The following CEP85 variants were observed in gnomAD, a reference collection of about 807,000 sequenced individuals.
The protein encoded by CEP85 is centrosomal protein of 85 kDa.
A neutral mutation model predicts 93.7 loss-of-function variants in CEP85; 58 were observed. That is an observed-to-expected ratio of 0.62 (90% CI 0.50 to 0.77). The LOEUF (loss-of-function observed/expected upper bound fraction) is 0.77, where lower values mean the gene tolerates loss of function less well. Ranked by LOEUF, CEP85 falls within the 30% of genes least tolerant of loss-of-function variation. The pLI is 0.00. For missense variants in CEP85, 868 were observed against 922.0 expected (o/e 0.94, Z 0.76); for synonymous variants, 314 against 338.6 (o/e 0.93, Z 0.80).
intron 1 of CEP85, among the ~76,000 whole-genome samples, chr1:26,238,073 GACCTCTAT>G (rs1016785527): frequency 1.3e-5 from 2 of 150,970 alleles, no homozygotes; most frequent in African/African-American, 4.9e-5. Context: ...GTACTTTAGT[GACCTCTAT>G]AGTATTCTCT....
intron 1 of CEP85, among the ~76,000 whole-genome samples, chr1:26,237,905 A>G (rs1001747260): frequency 6.6e-6 from 1 of 152,156 alleles, no homozygotes; most frequent in African/African-American, 2.4e-5. Context: ...TAATCATTCT[A>G]TGTCATCATT....
At chr1:26,264,425 C>T (rs1221756491) in intron 7 of CEP85, among the ~76,000 whole-genome samples, 11 of 152,000 alleles carry the variant, frequency 7.2e-5, no homozygotes, top group African/African-American at 2.2e-4. Flanking sequence ...CCCAGCTACT[C>T]GGGAGGCTGA....
Position 26,235,132 on chromosome 1 carries a change from T to C in CEP85, c.-23+822T>C, listed in dbSNP as rs2124549048. On this transcript the variant is annotated intron_variant, in intron 1 of 13. Coordinates refer to ENST00000451429, the MANE Select transcript of CEP85 (RefSeq NM_001319944.2). ...TTCAACAGTATATTCAACGCTTACT[T>C]CACCTCAGTTAATGAGAGCGATCCT... 2.0e-5 allele frequency among the ~76,000 whole-genome samples: 3 copies of C among 152,312 alleles called. No homozygotes were observed. In the South Asian group the frequency reaches 6.2e-4, roughly 32 times the overall value.
At chr1:26,247,193 G>C (rs972700617) in intron 3 of CEP85, among the ~76,000 whole-genome samples, 2 of 152,166 alleles carry the variant, frequency 1.3e-5, no homozygotes, top group African/African-American at 2.4e-5. Context: ...TGGTTTTCTA[G>C]GGCTTCGGAA....
At chr1:26,259,334 A>G (rs1457577872) in intron 6 of CEP85, among the ~76,000 whole-genome samples, 1 of 152,214 alleles carries the variant, frequency 6.6e-6, no homozygotes, top group African/African-American at 2.4e-5. Flanking sequence ...GTGAGTGTGC[A>G]TCAGAATCCC....
At chr1:26,261,600 A>G (rs1417112803) in intron 7 of CEP85, among the ~76,000 whole-genome samples, 1 of 152,018 alleles carries the variant, frequency 6.6e-6, no homozygotes, top group African/African-American at 2.4e-5. Flanking sequence ...AAAATAAAAA[A>G]TTTAGTAGTT....
At chr1:26,237,180 T>G (rs1010448615) in intron 1 of CEP85, among the ~76,000 whole-genome samples, 1 of 152,112 alleles carries the variant, frequency 6.6e-6, no homozygotes, top group Non-Finnish European at 1.5e-5. Flanking sequence ...TTCAGGTGGT[T>G]GGGGATGTCT....
At chr1:26,263,282 CA>C in intron 7 of CEP85, 1 of 347,508 alleles carries the variant, frequency 2.9e-6, no homozygotes. Flanking sequence ...CCAGGTTTTG[CA>C]AGTCCCTCAC....
chr1:26,276,580 C>T lies in CEP85; in HGVS notation c.1948C>T (p.Gln650Ter), dbSNP rs999614552. 28 of 1,614,096 alleles carry T rather than the reference C, an allele frequency of 1.7e-5. No individual in the cohort carries two copies. The highest frequency in any genetic ancestry group is 2.2e-5 in the Non-Finnish European group (26 of 1,180,038). Residue 650 changes from glutamine (Q) to a stop codon, truncating the protein, a stop_gained, in exon 13 of 14, where the codon CAG becomes TAG. Transcript: ENST00000451429. LOFTEE classifies it high-confidence loss of function. ...QDLIEKNLTLQEHLRQAQPGS... is the reference protein window; with the variant it reads ...QDLIEKNLTL ...CTTGATTGAGAAGAATCTGACACTC[C>T]AGGAACACCTGCGCCAGGCCCAACC... is the stretch of plus-strand genomic sequence containing the variant.
At chr1:26,270,234 G>A (rs533901773) in intron 9 of CEP85, among the ~76,000 whole-genome samples, 2 of 152,310 alleles carry the variant, frequency 1.3e-5, no homozygotes, top group South Asian at 4.1e-4. Context: ...TGAGGTGTCT[G>A]TATACTTTCA....
intron 8 of CEP85, 35 bp from the exon 9 acceptor site, chr1:26,269,425 C>T (rs778850258): frequency 1.2e-5 from 19 of 1,604,770 alleles, no homozygotes; most frequent in Non-Finnish European, 1.6e-5. Context: ...TAACACTTGG[C>T]TTATTTGACC....
Position 26,276,593 on chromosome 1 carries a change from G to A in CEP85, c.1961G>A (p.Arg654His), listed in dbSNP as rs781002439. The A allele has an allele frequency of 3.3e-5, 54 of 1,614,028 alleles. No individual in the cohort carries two copies. The highest frequency in any genetic ancestry group is 3.3e-4 in the Middle Eastern group (2 of 6,084). Residue 654 changes from arginine (R) to histidine (H), a missense_variant, in exon 13 of 14, where the codon CGC (arginine) becomes CAC (histidine). Physicochemically the swap from Arg to His is conservative, Grantham distance 29. Transcript: ENST00000451429. ...EKNLTLQEHL[R>H]QAQPGSPPSP... Reference sequence around the variant, plus strand: ...AATCTGACACTCCAGGAACACCTGCGCCAGGCCCAACCAGGGTCTCCACCT... The same window carrying A: ...AATCTGACACTCCAGGAACACCTGCACCAGGCCCAACCAGGGTCTCCACCT...
intron 1 of CEP85, 90 bp from the exon 2 acceptor site, chr1:26,239,672 T>C: frequency 1.2e-6 from 1 of 825,854 alleles, no homozygotes; most frequent in Non-Finnish European, 2.1e-6. Flanking sequence ...ATATTCTATA[T>C]GGTTTTGACA....
intron 4 of CEP85, 119 bp from the exon 5 acceptor site, chr1:26,257,478 G>T: frequency 8.8e-7 from 1 of 1,132,560 alleles, no homozygotes; most frequent in Non-Finnish European, 1.3e-6. Context: ...CATAAACATT[G>T]GGCCTCATCA....
chr1:26,257,584 A>C lies in CEP85; in HGVS notation c.904-13A>C. ...GTCAAGATCAAGCTCATCTGGGCCT[A>C]CTTGCCTTTCAGCTTCAGAATGGAG... On this transcript the variant is annotated splice_polypyrimidine_tract_variant and intron_variant, in intron 4 of 13. Coordinates refer to ENST00000451429, the MANE Select transcript of CEP85 (RefSeq NM_001319944.2). 2 of 1,613,920 alleles carry C rather than the reference A, an allele frequency of 1.2e-6. No homozygotes were observed. Among genetic ancestry groups the C allele is most frequent in the Non-Finnish European group, 1.7e-6 (2 of 1,179,948 alleles).
intron 7 of CEP85, among the ~76,000 whole-genome samples, chr1:26,267,850 C>T (rs1029881921): frequency 1.3e-5 from 2 of 152,132 alleles, no homozygotes; most frequent in African/African-American, 4.8e-5. Context: ...GATCTGCATC[C>T]ATTCTGAGTC....
At chr1:26,270,967 C>A in intron 9 of CEP85, 47 bp from the exon 10 acceptor site, 2 of 1,172,938 alleles carry the variant, frequency 1.7e-6, no homozygotes, top group Non-Finnish European at 2.6e-6. Context: ...GAATCAAAGC[C>A]ACTTGTGTCT....
chr1:26,254,947 G>A (rs551840328), intron 3 of CEP85: 1 of 575,344 alleles, frequency 1.7e-6, no homozygotes, highest in African/African-American at 1.8e-5. Flanking sequence ...TAAGTTAAAA[G>A]TGAAGTCATT....
intron 4 of CEP85, among the ~76,000 whole-genome samples, chr1:26,256,928 G>GGGGGGTGTGTGT (rs1553159974): frequency 9.0e-6 from 1 of 111,404 alleles, no homozygotes; most frequent in African/African-American, 3.4e-5. Context: ...GTTTTGTTTT[G>GGGGGGTGTGTGT]GTGTGTGTGT....
Sources: gnomAD v4.1 joint callset for allele counts (sites outside exome capture counted in the v4.1 genomes callset) on GRCh38, gnomAD v4.1.1 for gene constraint, MANE v1.5 for transcripts, NCBI Gene and HGNC (gene_info 2026-07-23, HGNC 2026-07-21) for gene names.